GRM7: variants seen among roughly 807,000 people sequenced by gnomAD.
GRM7 encodes the protein metabotropic glutamate receptor 7.
In GRM7, 35 loss-of-function variants were observed where a neutral mutation model predicts 84.5. That is an observed-to-expected ratio of 0.41 (90% CI 0.32 to 0.55). The LOEUF (loss-of-function observed/expected upper bound fraction) is 0.55, where lower values mean the gene tolerates loss of function less well. Among genes scored for constraint, GRM7 ranks in the 20% least tolerant of loss-of-function variants. GRM7 has a pLI of 0.19. For missense variants in GRM7, 1,003 were observed against 1,194.6 expected (o/e 0.84, Z 2.36); for synonymous variants, 487 against 455.1 (o/e 1.07, Z -0.89).
chr3:7,098,191 A>C (rs184881179), intron 1 of GRM7, among the ~76,000 whole-genome samples: 2 of 152,170 alleles, frequency 1.3e-5, no homozygotes, highest in East Asian at 3.9e-4. Context: ...TGAATGTTGA[A>C]ATGATCGGCC....
At chr3:7,348,797 C>T (rs1038594363) in intron 4 of GRM7, among the ~76,000 whole-genome samples, 106 of 152,212 alleles carry the variant, frequency 7.0e-4, no homozygotes, top group Admixed American at 5.0e-3. Context: ...TTTGTACAAG[C>T]CCTCCAAGTG....
chr3:7,664,559 G>A (rs1370711861), intron 8 of GRM7, among the ~76,000 whole-genome samples: 4 of 152,176 alleles, frequency 2.6e-5, no homozygotes, highest in Non-Finnish European at 5.9e-5. Flanking sequence ...TATGCAGAAC[G>A]TGCAGGTGTG....
intron 2 of GRM7, among the ~76,000 whole-genome samples, chr3:7,186,590 G>A (rs1695523319): frequency 6.6e-6 from 1 of 152,112 alleles, no homozygotes; most frequent in African/African-American, 2.4e-5. Context: ...CTGGTTAACT[G>A]ATTCCCTGTT....
chr3:7,342,171 C>G (rs1235275507), intron 4 of GRM7, among the ~76,000 whole-genome samples: 1 of 152,092 alleles, frequency 6.6e-6, no homozygotes, highest in Non-Finnish European at 1.5e-5. Context: ...GTTTTATGTC[C>G]CAATGACTCA....
At chr3:7,158,551 A>AT (rs1453780017) in intron 2 of GRM7, among the ~76,000 whole-genome samples, 2 of 152,082 alleles carry the variant, frequency 1.3e-5, no homozygotes, top group African/African-American at 4.8e-5. Context: ...CACACATTTA[A>AT]TTTTGTCACT....
intron 4 of GRM7, among the ~76,000 whole-genome samples, chr3:7,366,247 T>C (rs1472196478): frequency 1.3e-5 from 2 of 151,868 alleles, no homozygotes; most frequent in Non-Finnish European, 2.9e-5. Context: ...CTCTTTTCTG[T>C]CCTCTGCAGA....
intron 7 of GRM7, among the ~76,000 whole-genome samples, chr3:7,494,091 A>G (rs1411036696): frequency 6.6e-6 from 1 of 152,072 alleles, no homozygotes; most frequent in Non-Finnish European, 1.5e-5. Flanking sequence ...CTTTGTTGTT[A>G]CTTATTTCCT....
chr3:6,951,237 G>T (rs1692748098), intron 1 of GRM7, among the ~76,000 whole-genome samples: 2 of 152,158 alleles, frequency 1.3e-5, no homozygotes, highest in South Asian at 2.1e-4. Flanking sequence ...CAAAGAATCA[G>T]CTTTGTGCCT....
At chr3:7,155,109 G>T (rs1694406492) in intron 2 of GRM7, among the ~76,000 whole-genome samples, 2 of 152,116 alleles carry the variant, frequency 1.3e-5, no homozygotes, top group Admixed American at 1.3e-4. Flanking sequence ...CATTACTGAA[G>T]TCTGGCATAT....
At chr3:6,958,470 T>C (rs1468687697) in intron 1 of GRM7, among the ~76,000 whole-genome samples, 1 of 152,200 alleles carries the variant, frequency 6.6e-6, no homozygotes, top group Non-Finnish European at 1.5e-5. Context: ...CTTTTGTAAA[T>C]AAAGCTGTTG....
rs114471940 is a variant in GRM7, at chr3:6,976,080, G to A, written c.519+114173G>A. On this transcript the variant is annotated intron_variant, in intron 1 of 9. Coordinates refer to ENST00000357716, the MANE Select transcript of GRM7 (RefSeq NM_000844.4). Reference sequence around the variant, plus strand: ...GGCACGGTTGGCCTGGTCTCTCACTGAGCTTTCCGGTTTATTTACCCTCCC... The same window carrying A: ...GGCACGGTTGGCCTGGTCTCTCACTAAGCTTTCCGGTTTATTTACCCTCCC... 9.1e-3 allele frequency among the ~76,000 whole-genome samples: 1,383 copies of A among 152,150 alleles called. 19 individuals carry two copies. Among genetic ancestry groups the A allele is most frequent in the African/African-American group, 0.031 (1,297 of 41,502 alleles).
In GRM7 at chr3:7,634,749, G is replaced by A. The variant is rs535096219; in HGVS notation, c.2452-45300G>A. Among the ~76,000 whole-genome samples, 290 of 150,902 alleles carry A rather than the reference G, an allele frequency of 1.9e-3. 1 individual carries two copies. Among genetic ancestry groups the A allele is most frequent in the Middle Eastern group, 3.4e-3 (1 of 292 alleles). ...GCAGAGCTTGCAGTGAGCCGAGATC[G>A]CGCCACTGCACTCCAGCCTGGGCGA... On this transcript the variant is annotated intron_variant, in intron 8 of 9. Coordinates refer to ENST00000357716, the MANE Select transcript of GRM7 (RefSeq NM_000844.4).
intron 1 of GRM7, 30 bp from the exon 2 acceptor site, chr3:7,146,422 C>T (rs770660805): frequency 2.0e-6 from 3 of 1,517,556 alleles, no homozygotes; most frequent in Non-Finnish European, 1.8e-6. Context: ...TGACGGTGCA[C>T]TCTCACGTGG....
chr3:7,680,115 C>A lies in GRM7; in HGVS notation c.2518C>A (p.Leu840Ile). Residue 840 changes from leucine to isoleucine, a missense_variant, in exon 9 of 10, where the codon CTA becomes ATA. Leu to Ile is a conservative substitution (Grantham distance 5). Transcript: ENST00000357716. Reference sequence around the variant, plus strand: ...AAGTGCATCAGTGGCGCTGGGGATGCTATACATGCCGAAAGTGTACATCAT... The same window carrying A: ...AAGTGCATCAGTGGCGCTGGGGATGATATACATGCCGAAAGTGTACATCAT... ...NLSASVALGM[L>I]YMPKVYIIIF... 1 of 1,613,762 alleles carries A rather than the reference C, an allele frequency of 6.2e-7. No homozygotes were observed. The highest frequency in any genetic ancestry group is 8.5e-7 in the Non-Finnish European group (1 of 1,179,646).
At chr3:7,173,083 A>T (rs1455986280) in intron 2 of GRM7, among the ~76,000 whole-genome samples, 1 of 152,162 alleles carries the variant, frequency 6.6e-6, no homozygotes, top group East Asian at 1.9e-4. Flanking sequence ...AAGGACGCCG[A>T]GGTACAGGGA....
At chr3:7,693,554 T>C in intron 9 of GRM7, 1 of 869,010 alleles carries the variant, frequency 1.2e-6, no homozygotes. Context: ...TTTTGTCATG[T>C]TTGCAAATTT....
At chr3:7,690,247 T>G (rs1700748282) in intron 9 of GRM7, among the ~76,000 whole-genome samples, 1 of 152,104 alleles carries the variant, frequency 6.6e-6, no homozygotes. Context: ...TTTGTGCCTT[T>G]AAGTACAAAG....
intron 7 of GRM7, among the ~76,000 whole-genome samples, chr3:7,571,720 C>G (rs1364858775): frequency 6.6e-6 from 1 of 152,186 alleles, no homozygotes. Context: ...TTTCAGGTAT[C>G]TTTTCAGCAG....
At chr3:6,865,524 T>C (rs1448319522) in intron 1 of GRM7, among the ~76,000 whole-genome samples, 3 of 150,646 alleles carry the variant, frequency 2.0e-5, no homozygotes, top group Non-Finnish European at 4.4e-5. Context: ...GACTTGGAAT[T>C]GAATGGCATC....
Sources: gnomAD v4.1 joint callset for allele counts (sites outside exome capture counted in the v4.1 genomes callset) on GRCh38, gnomAD v4.1.1 for gene constraint, MANE v1.5 for transcripts, NCBI Gene and HGNC (gene_info 2026-07-23, HGNC 2026-07-21) for gene names.